TAAR5: variants seen among roughly 807,000 people sequenced by gnomAD.
TAAR5 encodes the protein trace amine-associated receptor 5.
In TAAR5, 27 loss-of-function variants were observed where a neutral mutation model predicts 21.1. The observed-to-expected ratio is 1.28, with a 90% CI of 0.94 to 1.76. The LOEUF (loss-of-function observed/expected upper bound fraction) is 1.76. Ranked by LOEUF, TAAR5 falls within the 40% of genes most tolerant of loss-of-function variation. The probability of loss-of-function intolerance (pLI) is 0.00; values close to 1 mark genes in which losing one functional copy is unlikely to be tolerated. For synonymous variants in TAAR5, 203 were observed against 167.5 expected, an observed-to-expected ratio of 1.21 and a Z score of -1.64; for missense variants, 495 against 405.6, an observed-to-expected ratio of 1.22 and a Z score of -1.89.
the TAAR5 span, among the ~76,000 whole-genome samples, chr6:132,598,965 T>C: frequency 6.6e-6 from 1 of 152,224 alleles, no homozygotes; most frequent in Non-Finnish European, 1.5e-5. Context: ...ATTGATTCCA[T>C]GAATTCTTTA....
the TAAR5 span, among the ~76,000 whole-genome samples, chr6:132,607,636 G>A: frequency 1.1e-4 from 16 of 152,098 alleles, no homozygotes; most frequent in East Asian, 1.9e-4. Context: ...GTTAATAATC[G>A]CAAAGGCAAA....
At chr6:132,606,246 G>T in the TAAR5 span, among the ~76,000 whole-genome samples, 1 of 152,116 alleles carries the variant, frequency 6.6e-6, no homozygotes, top group African/African-American at 2.4e-5. Context: ...TGCATTTCCT[G>T]ATTCTAAAAT....
the TAAR5 span, among the ~76,000 whole-genome samples, chr6:132,610,744 T>A: frequency 1.3e-5 from 2 of 152,160 alleles, no homozygotes; most frequent in Non-Finnish European, 1.5e-5. Context: ...GGTTAAAAGT[T>A]TACATCACTG....
At chr6:132,604,193 G>A in the TAAR5 span, among the ~76,000 whole-genome samples, 3 of 139,250 alleles carry the variant, frequency 2.2e-5, no homozygotes, top group Non-Finnish European at 3.0e-5. Flanking sequence ...CGCCAGGCTA[G>A]AGTACAGTGG....
chr6:132,595,428 C>A, the TAAR5 span: 2,954 of 152,250 alleles, frequency 0.019, 42 homozygotes, highest in Middle Eastern at 0.06. Context: ...GAGGGTCAGG[C>A]AAATTCATCA....
At chr6:132,590,506 C>T (rs182139545), upstream of TAAR5, among the ~76,000 whole-genome samples, 228 of 152,306 alleles carry the variant, frequency 1.5e-3, 3 homozygotes, top group Non-Finnish European at 1.6e-3. Flanking sequence ...AGGTAGGAAT[C>T]AGAATCCCTT....
chr6:132,611,774 T>C, the TAAR5 span, among the ~76,000 whole-genome samples: 3 of 152,184 alleles, frequency 2.0e-5, no homozygotes, highest in Non-Finnish European at 2.9e-5. Flanking sequence ...TTGTGTCCTA[T>C]ACTCAGGGGA....
chr6:132,614,963 A>C, the TAAR5 span, among the ~76,000 whole-genome samples: 3 of 152,124 alleles, frequency 2.0e-5, no homozygotes, highest in Non-Finnish European at 4.4e-5. Flanking sequence ...TCCTGGGTTC[A>C]AGTGATTCTC....
At chr6:132,603,762 TGTAA>T in the TAAR5 span, among the ~76,000 whole-genome samples, 2 of 152,172 alleles carry the variant, frequency 1.3e-5, no homozygotes, top group African/African-American at 4.8e-5. Context: ...TCACTGTATT[TGTAA>T]GTAAGTCATT....
At chr6:132,616,001 C>T in the TAAR5 span, among the ~76,000 whole-genome samples, 8 of 151,952 alleles carry the variant, frequency 5.3e-5, no homozygotes, top group East Asian at 1.4e-3. Context: ...TTCTTCTATT[C>T]TAATTTGCTT....
chr6:132,592,287 A>C (rs1776916873), upstream of TAAR5, among the ~76,000 whole-genome samples: 1 of 152,246 alleles, frequency 6.6e-6, no homozygotes, highest in African/African-American at 2.4e-5. Flanking sequence ...CTTTAACAAA[A>C]TCGATTATAA....
the TAAR5 span, chr6:132,608,145 T>C: frequency 1.6e-4 from 58 of 356,460 alleles, no homozygotes; most frequent in Non-Finnish European, 2.5e-4. Context: ...AATTTAATAG[T>C]ATCATGTTTG....
chr6:132,596,347 T>C, the TAAR5 span, among the ~76,000 whole-genome samples: 5 of 152,310 alleles, frequency 3.3e-5, no homozygotes, highest in African/African-American at 1.2e-4. Flanking sequence ...TGATTTGTTT[T>C]TTCCAGTGCC....
the TAAR5 span, chr6:132,609,447 T>C: frequency 6.1e-6 from 1 of 163,956 alleles, no homozygotes; most frequent in African/African-American, 2.4e-5. Flanking sequence ...ATATCAACTG[T>C]GTTTGCTTTC....
At chr6:132,612,004 TA>T in the TAAR5 span, among the ~76,000 whole-genome samples, 8 of 152,198 alleles carry the variant, frequency 5.3e-5, no homozygotes, top group African/African-American at 1.9e-4. Context: ...TTTCTCTTGT[TA>T]AAAATTATAT....
upstream of TAAR5, among the ~76,000 whole-genome samples, chr6:132,592,776 C>A (rs1270910143): frequency 6.6e-6 from 1 of 152,156 alleles, no homozygotes; most frequent in African/African-American, 2.4e-5. Context: ...TCTTCCTGTA[C>A]AGCCTGCAGA....
chr6:132,613,788 G>A, the TAAR5 span, among the ~76,000 whole-genome samples: 1 of 152,172 alleles, frequency 6.6e-6, no homozygotes, highest in Non-Finnish European at 1.5e-5. Flanking sequence ...CATATAACTT[G>A]TAGTAGACTA....
At chr6:132,603,494 C>CAAA in the TAAR5 span, among the ~76,000 whole-genome samples, 1 of 135,948 alleles carries the variant, frequency 7.4e-6, no homozygotes, top group South Asian at 2.3e-4. Context: ...CATTTTCTCT[C>CAAA]AAAAAAAAAA....
the TAAR5 span, among the ~76,000 whole-genome samples, chr6:132,611,512 C>T: frequency 6.6e-6 from 1 of 152,096 alleles, no homozygotes; most frequent in African/African-American, 2.4e-5. Context: ...TTGACCATTA[C>T]ACATTGTATG....
Sources: allele counts gnomAD v4.1 joint callset (sites outside exome capture counted in the v4.1 genomes callset), GRCh38; gene constraint gnomAD v4.1.1; transcripts MANE v1.5; gene names NCBI Gene and HGNC (gene_info 2026-07-23, HGNC 2026-07-21).